The following CFAP69 variants were observed in gnomAD, a reference collection of about 807,000 sequenced individuals.
The protein encoded by CFAP69 is cilia and flagella associated protein 69.
A neutral mutation model predicts 123.0 loss-of-function variants in CFAP69; 92 were observed. The observed-to-expected ratio is 0.75, with a 90% CI of 0.63 to 0.89. CFAP69 has a LOEUF of 0.89. CFAP69 is among the 40% of genes least tolerant of loss of function. CFAP69 has a pLI of 0.00. For missense variants in CFAP69, 1,067 were observed against 1,096.9 expected, an observed-to-expected ratio of 0.97 and a Z score of 0.39; for synonymous variants, 380 against 364.3, an observed-to-expected ratio of 1.04 and a Z score of -0.49.
At chr7:90,309,922 C>T (rs943660466) in intron 22 of CFAP69, 146 bp from the exon 23 acceptor site, 10 of 585,438 alleles carry the variant, frequency 1.7e-5, no homozygotes, top group Non-Finnish European at 2.9e-6. Context: ...GCTCCGATGC[C>T]CTTATCTTTC....
rs189197557 is a variant in CFAP69 at position 90,300,733 on chromosome 7, C to T, written c.2050+674C>T. On this transcript the variant is annotated intron_variant, in intron 17 of 22. Coordinates refer to ENST00000389297, the MANE Select transcript of CFAP69 (RefSeq NM_001039706.3). ...TGGTGCAATCTTGGCTCACTGAAAC[C>T]TCTGCCTCCCAGGCTCAAGCGATTT... is the stretch of plus-strand genomic sequence containing the variant. 555 of 173,236 alleles carry T rather than the reference C, an allele frequency of 3.2e-3. 2 individuals carry two copies. Among genetic ancestry groups the T allele is most frequent in the African/African-American group, 0.013 (532 of 41,808 alleles). 10.7% of individuals were successfully genotyped at this position (173,236 alleles called of 1,614,324 possible).
At chr7:90,246,420 A>G (rs1796331553) in intron 1 of CFAP69, among the ~76,000 whole-genome samples, 1 of 152,176 alleles carries the variant, frequency 6.6e-6, no homozygotes, top group Non-Finnish European at 1.5e-5. Flanking sequence ...CTCAAATCTC[A>G]GGCTGCGTCA....
At chr7:90,279,375 G>A (rs530379295) in intron 11 of CFAP69, among the ~76,000 whole-genome samples, 19 of 152,086 alleles carry the variant, frequency 1.2e-4, no homozygotes, top group African/African-American at 3.4e-4. Context: ...TTTATTATAC[G>A]TTAAAATATC....
At position 90,310,091 on chromosome 7, in the gene CFAP69, A is replaced by G. The variant is rs61744046; in HGVS notation, c.2679A>G (p.Thr893=). 72 of 1,612,158 alleles carry G rather than the reference A, an allele frequency of 4.5e-5. No individual in the cohort carries two copies. In the African/African-American group the frequency reaches 8.8e-4, roughly 20 times the overall value. The change falls in exon 23 of 23, where the codon ACA becomes ACG. Residue 893 remains threonine, a synonymous_variant. Coordinates refer to ENST00000389297, the MANE Select transcript of CFAP69 (RefSeq NM_001039706.3). The stretch of plus-strand genomic sequence containing the variant: ...AGGTGCCCTCTGGTGGAGTAGTAAC[A>G]GTGGAAAGCACTCCTGCCCGATTAG... ...NTTVPSGGVV[T]VESTPARLVG...
At chr7:90,265,920 T>C (rs888013905) in intron 5 of CFAP69, 2 of 152,150 alleles carry the variant, frequency 1.3e-5, no homozygotes, top group African/African-American at 4.8e-5. Context: ...CTTGATTTTC[T>C]AGAGAAAGAA....
intron 7 of CFAP69, 40 bp from the exon 8 acceptor site, chr7:90,271,741 A>T: frequency 6.3e-7 from 1 of 1,588,894 alleles, no homozygotes; most frequent in Non-Finnish European, 8.6e-7. Flanking sequence ...AAAAATGTCA[A>T]TATTGTAAAG....
intron 2 of CFAP69, among the ~76,000 whole-genome samples, chr7:90,256,561 C>A (rs1264721211): frequency 6.6e-6 from 1 of 151,340 alleles, no homozygotes; most frequent in African/African-American, 2.4e-5. Flanking sequence ...GTGGGTTGAC[C>A]ATAGTATAGC....
intron 15 of CFAP69, among the ~76,000 whole-genome samples, chr7:90,294,198 T>G (rs1037050327): frequency 2.0e-5 from 3 of 152,166 alleles, no homozygotes; most frequent in African/African-American, 7.2e-5. Flanking sequence ...ATTGAACAAT[T>G]TTCAAAAGTC....
chr7:90,273,913 T>C (rs1342451038), intron 8 of CFAP69, 74 bp from the exon 9 acceptor site: 1 of 1,152,716 alleles, frequency 8.7e-7, no homozygotes, highest in African/African-American at 1.6e-5. Context: ...AGGATTTAAA[T>C]ATATGAATTT....
At chr7:90,303,294 T>C (rs1157761287) in intron 17 of CFAP69, 1 of 151,990 alleles carries the variant, frequency 6.6e-6, no homozygotes, top group Non-Finnish European at 1.5e-5. Flanking sequence ...CTCTTCCTGT[T>C]TGGATGCTTT....
intron 9 of CFAP69, among the ~76,000 whole-genome samples, chr7:90,274,632 G>T (rs1427304740): frequency 6.6e-6 from 1 of 152,046 alleles, no homozygotes; most frequent in East Asian, 1.9e-4. Flanking sequence ...TCATTGTGAG[G>T]TTCCATGGTG....
chr7:90,251,794 C>A (rs1348888972), intron 1 of CFAP69: 1 of 152,102 alleles, frequency 6.6e-6, no homozygotes, highest in Admixed American at 6.5e-5. Context: ...ATGGATAATG[C>A]AAGATAAATC....
chr7:90,276,500 T>A (rs1289046666), intron 9 of CFAP69, among the ~76,000 whole-genome samples: 1 of 152,182 alleles, frequency 6.6e-6, no homozygotes, highest in Non-Finnish European at 1.5e-5. Context: ...CTGTAAACTC[T>A]CCCTAATGTG....
downstream of CFAP69, among the ~76,000 whole-genome samples, chr7:90,311,366 G>A (rs1030112081): frequency 8.5e-5 from 13 of 152,142 alleles, no homozygotes; most frequent in Admixed American, 4.6e-4. Flanking sequence ...GGCCCATGGG[G>A]CACACTCAGC....
intron 3 of CFAP69, among the ~76,000 whole-genome samples, chr7:90,261,056 A>G (rs956240101): frequency 2.0e-5 from 3 of 151,990 alleles, no homozygotes; most frequent in Admixed American, 2.0e-4. Context: ...AACAAAATCA[A>G]TGAAATGTGT....
chr7:90,264,361 T>C (rs1798834996), intron 4 of CFAP69, among the ~76,000 whole-genome samples: 1 of 151,946 alleles, frequency 6.6e-6, no homozygotes, highest in African/African-American at 2.4e-5. Context: ...ATAGAAGTTG[T>C]GAAATGCGAT....
At chr7:90,288,913 T>C (rs1393021477) in intron 15 of CFAP69, among the ~76,000 whole-genome samples, 1 of 152,038 alleles carries the variant, frequency 6.6e-6, no homozygotes, top group Admixed American at 6.5e-5. Context: ...ATGTTTTCAT[T>C]TTCTTTATGT....
At chr7:90,265,801 C>T (rs932696033) in intron 5 of CFAP69, among the ~76,000 whole-genome samples, 2 of 151,982 alleles carry the variant, frequency 1.3e-5, no homozygotes, top group African/African-American at 4.8e-5. Context: ...CATAAAATAG[C>T]ATATTAAGAA....
At chr7:90,256,523 T>TA (rs563875319) in intron 2 of CFAP69, among the ~76,000 whole-genome samples, 3,323 of 128,244 alleles carry the variant, frequency 0.026, 93 homozygotes, top group East Asian at 0.12. Flanking sequence ...ACTTAAAGTA[T>TA]AAAAAAAAAA....
Sources: gnomAD v4.1 joint callset for allele counts (sites outside exome capture counted in the v4.1 genomes callset) on GRCh38, gnomAD v4.1.1 for gene constraint, MANE v1.5 for transcripts, NCBI Gene and HGNC (gene_info 2026-07-23, HGNC 2026-07-21) for gene names.